Variants in KIF17 observed in about 807,000 individuals in gnomAD.
The protein encoded by KIF17 is kinesin family member 17.
A neutral mutation model predicts 96.8 loss-of-function variants in KIF17; 80 were observed. The observed-to-expected ratio is 0.83, with a 90% CI of 0.69 to 1.00. The LOEUF is 1.00. Ranked by LOEUF, KIF17 falls within the 50% of genes least tolerant of loss-of-function variation. KIF17 has a pLI of 0.00. For synonymous variants in KIF17, 567 were observed against 587.5 expected, an observed-to-expected ratio of 0.97 and a Z score of 0.51; for missense variants, 1,280 against 1,372.9, an observed-to-expected ratio of 0.93 and a Z score of 1.07.
chr1:20,705,893 CTTTTTTTTTTTT>C lies in KIF17; in HGVS notation c.671-1006_671-995del, dbSNP rs747719983. Among the ~76,000 whole-genome samples, 54 of 53,568 alleles carry C rather than the reference CTTTTTTTTTTTT, an allele frequency of 1.0e-3. 1 individual carries two copies. The highest frequency in any genetic ancestry group is 0.037 in the Middle Eastern group (2 of 54). 35.1% of individuals were successfully genotyped at this position (53,568 alleles called of 152,430 possible). A position where few individuals can be genotyped will look rare whatever the true frequency, so the allele number is the denominator to read the frequency against. ...GTCTATAATCCTCAGTAGGATGTCT[CTTTTTTTTTTTT>C]TTTTTTTTTTTTTTTGCCTTTGGGA... is the stretch of plus-strand genomic sequence containing the variant. On this transcript the variant is annotated intron_variant, in intron 4 of 14. Transcript: ENST00000400463.
chr1:20,696,852 C>G (rs192870492), intron 6 of KIF17, among the ~76,000 whole-genome samples: 102 of 152,310 alleles, frequency 6.7e-4, no homozygotes, highest in African/African-American at 2.3e-3. Context: ...AGCCATCCCC[C>G]AGGGCCCCTC....
chr1:20,712,632 A>ATATATATATAGATAATATTATC lies in KIF17; in HGVS notation c.480+821_480+822insGATAATATTATCTATATATATA. On this transcript the variant is annotated intron_variant, in intron 3 of 14. Coordinates refer to ENST00000400463, the MANE Select transcript of KIF17 (RefSeq NM_001122819.3). ...TATATATATAATATAGATAATATCT[A>ATATATATATAGATAATATTATC]TATATATAATATAGATAATATTATC... Among the ~76,000 whole-genome samples, 47 of 26,852 alleles carry ATATATATATAGATAATATTATC rather than the reference A, an allele frequency of 1.8e-3. 1 individual carries two copies. Among genetic ancestry groups the ATATATATATAGATAATATTATC allele is most frequent in the Non-Finnish European group, 3.6e-3 (39 of 10,810 alleles). The allele number at this position is 26,852 out of a possible 152,430, so 17.6% of individuals were successfully genotyped here. A position where few individuals can be genotyped will look rare whatever the true frequency, so the allele number is the denominator to read the frequency against.
rs1235406006 is a variant in KIF17, at chr1:20,690,178, G to A, written c.1381+10C>T. 5.6e-6 allele frequency: 9 copies of A among 1,613,920 alleles called. No homozygotes were observed. The highest frequency in any genetic ancestry group is 7.6e-6 in the Non-Finnish European group (9 of 1,180,022). ...CCTGGAGACAGCCTCGGGGGGCAAG[G>A]GGTGCCCACCTGTCTCCTTCCGCAG... On this transcript the variant is annotated intron_variant, in intron 7 of 14. Transcript: ENST00000400463.
downstream of KIF17, among the ~76,000 whole-genome samples, chr1:20,663,269 T>C (rs1167125785): frequency 6.6e-6 from 1 of 152,130 alleles, no homozygotes; most frequent in Non-Finnish European, 1.5e-5. Flanking sequence ...TCTCACCGGC[T>C]CTGACTCAGG....
At chr1:20,667,812 A>C (rs1570427990) in intron 13 of KIF17, among the ~76,000 whole-genome samples, 1 of 152,144 alleles carries the variant, frequency 6.6e-6, no homozygotes, top group East Asian at 1.9e-4. Context: ...GTTCAAGACC[A>C]GCCTGACCAA....
At position 20,669,494 on chromosome 1, in the gene KIF17, C is replaced by T. The variant is rs143664133; in HGVS notation, c.2790+927G>A. ...GAGCTTTCAGTGAGCCGAGATCGCACCACTGCACTCTAGCATGGGCGACAG... is the reference window on the plus strand; with the variant it reads ...GAGCTTTCAGTGAGCCGAGATCGCATCACTGCACTCTAGCATGGGCGACAG... On this transcript the variant is annotated intron_variant, in intron 13 of 14. Coordinates refer to ENST00000400463, the MANE Select transcript of KIF17 (RefSeq NM_001122819.3). 8.2e-3 allele frequency among the ~76,000 whole-genome samples: 1,232 copies of T among 150,236 alleles called. 34 individuals are homozygous for T. Among genetic ancestry groups the T allele is most frequent in the East Asian group, 0.046 (236 of 5,090 alleles).
chr1:20,687,751 G>C lies in KIF17; in HGVS notation c.1575C>G (p.Pro525=). The C allele has an allele frequency of 6.2e-7, 1 of 1,614,158 alleles. No individual in the cohort carries two copies. Among genetic ancestry groups the C allele is most frequent in the Non-Finnish European group, 8.5e-7 (1 of 1,180,022 alleles). Residue 525 remains proline, a synonymous_variant, in exon 8 of 15, where the codon CCC becomes CCG. Transcript: ENST00000400463. The surrounding 1 kb of genome is among the most constrained non-coding windows in gnomAD (Gnocchi z 4.4). ...TCTCAGATTTGGAGGGTTCCACCTT[G>C]GGCAGCTCCGCAAACCTGGAGGAAA... ...TQVSSRFAEL[P]KVEPSKSEIS...
At chr1:20,679,598 C>T (rs775539410) in intron 11 of KIF17, among the ~76,000 whole-genome samples, 14 of 152,278 alleles carry the variant, frequency 9.2e-5, no homozygotes, top group Non-Finnish European at 1.6e-4. Context: ...AGACATTCCA[C>T]GCGTGAGAGG....
intron 5 of KIF17, among the ~76,000 whole-genome samples, chr1:20,703,380 G>A (rs2054277920): frequency 6.6e-6 from 1 of 152,020 alleles, no homozygotes. Flanking sequence ...GGAAGGGTCA[G>A]TATGGATGGG....
rs2054396549 is a variant in KIF17, at chr1:20,709,376, C to T, written c.670+263G>A. ...CCTGGGTGACAGGGTGACACTTTGT[C>T]TCAAAAAACAAATAAATAAATAAAA... On this transcript the variant is annotated intron_variant, in intron 4 of 14. Coordinates refer to ENST00000400463, the MANE Select transcript of KIF17 (RefSeq NM_001122819.3). This position sits in a 1 kb window ranked among gnomAD's most constrained non-coding sequence, Gnocchi z 4.7. Among the ~76,000 whole-genome samples the T allele has an allele frequency of 6.6e-6, 1 of 152,100 alleles. No homozygotes were observed. The highest frequency in any genetic ancestry group is 6.6e-5 in the Admixed American group (1 of 15,262).
rs2053929947 is a variant in KIF17, at chr1:20,685,956, G to A, written c.2019+90C>T. The A allele has an allele frequency of 3.7e-6, 4 of 1,090,858 alleles. No individual in the cohort carries two copies. The East Asian group carries it at 1.0e-4, about 28-fold the overall frequency. 67.6% of individuals were successfully genotyped at this position (1,090,858 alleles called of 1,614,324 possible). On this transcript the variant is annotated intron_variant, in intron 9 of 14. Transcript: ENST00000400463. This position sits in a 1 kb window ranked among gnomAD's most constrained non-coding sequence, Gnocchi z 4.1. The stretch of plus-strand genomic sequence containing the variant: ...TTCTCAGCTCATGGATGAGGAAACT[G>A]AAGCTCAGGGAGGGAGAAGACAAGC...
Position 20,705,144 on chromosome 1 carries a change from C to T in KIF17, c.671-245G>A, listed in dbSNP as rs567287940. 2.6e-5 allele frequency among the ~76,000 whole-genome samples: 4 copies of T among 152,326 alleles called. No individual in the cohort carries two copies. In the East Asian group the frequency reaches 7.7e-4, roughly 29 times the overall value. On this transcript the variant is annotated intron_variant, in intron 4 of 14. Coordinates refer to ENST00000400463, the MANE Select transcript of KIF17 (RefSeq NM_001122819.3). ...AAGAGCTATAGCCACCATCAGAACC[C>T]AGGGCAGGCTGTCTCCAGGAGCAGG...
chr1:20,666,334 G>A lies in KIF17; in HGVS notation c.2791-3C>T, dbSNP rs1319827487. The A allele has an allele frequency of 3.1e-6, 5 of 1,607,568 alleles. No individual in the cohort carries two copies. The highest frequency in any genetic ancestry group is 4.3e-6 in the Non-Finnish European group (5 of 1,173,950). On this transcript the variant is annotated splice_region_variant and splice_polypyrimidine_tract_variant and intron_variant, in intron 13 of 14. Coordinates refer to ENST00000400463, the MANE Select transcript of KIF17 (RefSeq NM_001122819.3). ...ATGAGCCTGTAGCGGTCGTCCTCCTGCCGAGATGCAGATGCCCGTGGTCAC... is the reference window on the plus strand; with the variant it reads ...ATGAGCCTGTAGCGGTCGTCCTCCTACCGAGATGCAGATGCCCGTGGTCAC...
intron 4 of KIF17, among the ~76,000 whole-genome samples, chr1:20,707,866 T>C (rs977401103): frequency 2.0e-5 from 3 of 146,730 alleles, no homozygotes; most frequent in African/African-American, 7.5e-5. Context: ...ATATATAATA[T>C]ATACATTTAT....
At chr1:20,707,174 T>G (rs182593535) in intron 4 of KIF17, among the ~76,000 whole-genome samples, 36 of 152,270 alleles carry the variant, frequency 2.4e-4, no homozygotes, top group Admixed American at 1.2e-3. Context: ...CTTAACCACG[T>G]TTGTTATCTT....
At chr1:20,681,348 C>G (rs879651564) in intron 11 of KIF17, among the ~76,000 whole-genome samples, 1 of 151,448 alleles carries the variant, frequency 6.6e-6, no homozygotes, top group Non-Finnish European at 1.5e-5. Context: ...GCCACCACGC[C>G]GGACTAATTT....
chr1:20,680,609 C>T (rs913577490), intron 11 of KIF17, among the ~76,000 whole-genome samples: 3 of 151,956 alleles, frequency 2.0e-5, no homozygotes, highest in African/African-American at 7.3e-5. Context: ...AATTAGAATA[C>T]ATTTGAATAA....
intron 4 of KIF17, among the ~76,000 whole-genome samples, chr1:20,706,317 G>A (rs960177572): frequency 3.9e-5 from 6 of 151,926 alleles, no homozygotes; most frequent in African/African-American, 1.4e-4. Context: ...CAGGCTGGGT[G>A]CGGTGGCTCA....
At chr1:20,707,690 A>G (rs1258432481) in intron 4 of KIF17, among the ~76,000 whole-genome samples, 1 of 150,426 alleles carries the variant, frequency 6.6e-6, no homozygotes, top group Non-Finnish European at 1.5e-5. Context: ...GGATTGGTTG[A>G]GCCTGGGAGA....
Sources: gnomAD v4.1 joint callset for allele counts (sites outside exome capture counted in the v4.1 genomes callset) on GRCh38, gnomAD v4.1.1 for gene constraint, Gnocchi (gnomAD v3.1) non-coding constraint, MANE v1.5 for transcripts, NCBI Gene and HGNC (gene_info 2026-07-23, HGNC 2026-07-21) for gene names.